The following SLC26A1 variants were observed in gnomAD, a reference collection of about 807,000 sequenced individuals.
SLC26A1 encodes sulfate anion transporter 1.
SLC26A1 carries 18 observed loss-of-function variants against 14.5 expected under a neutral mutation model. The ratio of observed to expected loss-of-function variants is 1.24; its 90% confidence interval spans 0.86 to 1.84. The LOEUF (loss-of-function observed/expected upper bound fraction) is 1.84, where lower values mean the gene tolerates loss of function less well. Among genes scored for constraint, SLC26A1 ranks in the 40% most tolerant of loss-of-function variants. The pLI is 0.00. For missense variants in SLC26A1, 1,049 were observed against 1,020.0 expected, an observed-to-expected ratio of 1.03 and a Z score of -0.39; for synonymous variants, 505 against 492.0, an observed-to-expected ratio of 1.03 and a Z score of -0.35.
At chr4:982,261 C>T (rs1713567171) in intron 2 of SLC26A1, among the ~76,000 whole-genome samples, 1 of 152,342 alleles carries the variant, frequency 6.6e-6, no homozygotes, top group East Asian at 1.9e-4. Flanking sequence ...CCCACAAGCT[C>T]AGCTTGGCCT....
At position 989,587 on chromosome 4, in the gene SLC26A1, C is replaced by T. The variant is rs761642769; in HGVS notation, c.1352G>A (p.Arg451Gln). ...GTCCCACACCTTGCGCAGGGCCCCC[C>T]GCAGGCTGACCACGATGACGCAGGC... ...VLACVIVVSL[R>Q]GALRKVWDLP... The change falls in exon 3 of 3, where the codon CGG becomes CAG. Residue 451 changes from arginine to glutamine, a missense_variant. Transcript: ENST00000398516. 44 of 1,598,994 alleles carry T rather than the reference C, an allele frequency of 2.8e-5. No homozygotes were observed. The highest frequency in any genetic ancestry group is 3.4e-4 in the Middle Eastern group (2 of 5,968).
downstream of SLC26A1, among the ~76,000 whole-genome samples, chr4:985,658 TCTTA>T (rs765758292): frequency 1.4e-4 from 22 of 152,224 alleles, no homozygotes; most frequent in Non-Finnish European, 2.9e-4. Flanking sequence ...TCCCTCCCTT[TCTTA>T]CTTTTTAGTT....
intron 2 of SLC26A1, chr4:990,799 T>G (rs1945682817): frequency 2.5e-6 from 1 of 400,490 alleles, no homozygotes; most frequent in Non-Finnish European, 4.5e-6. Context: ...CATCCCCCAC[T>G]CCACCTAGGA....
downstream of SLC26A1, among the ~76,000 whole-genome samples, chr4:986,164 G>A (rs986806989): frequency 2.2e-4 from 33 of 151,990 alleles, no homozygotes; most frequent in African/African-American, 7.3e-4. Context: ...TGATCCTCCC[G>A]TGTTGGCCTG....
rs1714277188 is a variant in SLC26A1 at position 991,199 on chromosome 4, G to A, written c.505C>T (p.Leu169=). 1.9e-6 allele frequency: 3 copies of A among 1,602,296 alleles called. No individual in the cohort carries two copies. The highest frequency in any genetic ancestry group is 2.7e-5 in the African/African-American group (2 of 74,832). The change falls in exon 2 of 3, where the codon CTG becomes TTG. Residue 169 remains leucine (L), a synonymous_variant. Coordinates refer to ENST00000398516, the MANE Select transcript of SLC26A1 (RefSeq NM_022042.4). ...GCGTAGCAGTCACGCCCGCAGTCCA[G>A]CATGGCAGCCGAGCCGTTGAGGGTG... The part of the protein sequence containing the change: ...SSTLNGSAAM[L]DCGRDCYAIR...
chr4:990,893 A>G (rs1466371620), intron 2 of SLC26A1: 2 of 524,444 alleles, frequency 3.8e-6, no homozygotes, highest in East Asian at 6.2e-5. Context: ...CACCAAGGCC[A>G]TGGCCCACCG....
chr4:987,048 C>T, downstream of SLC26A1: 2 of 1,510,298 alleles, frequency 1.3e-6, no homozygotes, highest in Non-Finnish European at 1.8e-6. Context: ...ACCGGCAGTG[C>T]AGCCCGAAGC....
At chr4:986,294 T>C (rs1424448448), downstream of SLC26A1, among the ~76,000 whole-genome samples, 5 of 152,202 alleles carry the variant, frequency 3.3e-5, no homozygotes, top group Non-Finnish European at 1.5e-5. Flanking sequence ...ACACATGTAC[T>C]ACAGTTGTCC....
chr4:987,348 G>A, downstream of SLC26A1: 5 of 1,127,118 alleles, frequency 4.4e-6, no homozygotes, highest in South Asian at 5.8e-5. Context: ...CCCTCCTCTG[G>A]GGCCCTGGCT....
At chr4:984,256 AT>A (rs1282640430), downstream of SLC26A1, among the ~76,000 whole-genome samples, 8 of 152,292 alleles carry the variant, frequency 5.3e-5, no homozygotes, top group East Asian at 1.9e-4. Context: ...AGGTTTTAAT[AT>A]TTTTTTCAAT....
At chr4:980,557 G>A (rs1050625130) in intron 2 of SLC26A1, among the ~76,000 whole-genome samples, 1 of 147,380 alleles carries the variant, frequency 6.8e-6, no homozygotes. Context: ...CTGCACTCCA[G>A]CCTGGGCAAC....
intron 2 of SLC26A1, among the ~76,000 whole-genome samples, chr4:981,806 G>C (rs560429842): frequency 6.6e-6 from 1 of 152,216 alleles, no homozygotes; most frequent in South Asian, 2.1e-4. Context: ...ACCTGGCCTT[G>C]TGCCGTCCAC....
chr4:987,296 G>A, downstream of SLC26A1: 2 of 1,460,078 alleles, frequency 1.4e-6, no homozygotes, highest in Non-Finnish European at 1.8e-6. Context: ...GAGCTCGGGC[G>A]CCCCCTGACT....
downstream of SLC26A1, chr4:987,173 A>C: frequency 6.9e-7 from 1 of 1,455,584 alleles, no homozygotes; most frequent in Non-Finnish European, 9.0e-7. Flanking sequence ...GAGGCCCCGC[A>C]CCTGGTGCAT....
intron 2 of SLC26A1, among the ~76,000 whole-genome samples, chr4:982,613 C>T (rs1713579086): frequency 6.6e-6 from 1 of 152,218 alleles, no homozygotes; most frequent in African/African-American, 2.4e-5. Context: ...CGACCAGTGG[C>T]TTCTTCCCCA....
chr4:988,196 G>C lies in SLC26A1; in HGVS notation c.*637C>G. On this transcript the variant is annotated 3_prime_UTR_variant, in exon 3 of 3. Coordinates refer to ENST00000398516, the MANE Select transcript of SLC26A1 (RefSeq NM_022042.4). ...GCTCAGGGTTGGCTGCGCCGCACCT[G>C]GCTCCTGGTGCACCCGTGAGCATCC... 7.3e-7 allele frequency: 1 copy of C among 1,361,710 alleles called. No homozygotes were observed. Among genetic ancestry groups the C allele is most frequent in the Non-Finnish European group, 9.5e-7 (1 of 1,055,950 alleles). 84.4% of individuals were successfully genotyped at this position (1,361,710 alleles called of 1,614,324 possible). A position where few individuals can be genotyped will look rare whatever the true frequency, so the allele number is the denominator to read the frequency against.
chr4:989,005 A>AGC lies in SLC26A1; in HGVS notation c.1932_1933dup (p.Leu645ArgfsTer3). 6.3e-7 allele frequency: 1 copy of AGC among 1,590,802 alleles called. No individual in the cohort carries two copies. Among genetic ancestry groups the AGC allele is most frequent in the Non-Finnish European group, 8.6e-7 (1 of 1,169,360 alleles). On this transcript the variant is annotated frameshift_variant, in exon 3 of 3. Coordinates refer to ENST00000398516, the MANE Select transcript of SLC26A1 (RefSeq NM_022042.4). LOFTEE classifies it low-confidence loss of function (END_TRUNC). ...CACAGGCGGGCTGCAGCAGGCTAGCAGCAGGCTGATGCCCAGGGCCCCGTA... is the reference window on the plus strand; with the variant it reads ...CACAGGCGGGCTGCAGCAGGCTAGCAGCGCAGGCTGATGCCCAGGGCCCCGTA...
At chr4:987,330 C>G, downstream of SLC26A1, 3 of 1,254,496 alleles carry the variant, frequency 2.4e-6, no homozygotes, top group Non-Finnish European at 3.3e-6. Context: ...GCTTCAGAGA[C>G]CGGAGCTCCC....
Position 989,539 on chromosome 4 carries a change from C to A in SLC26A1, c.1400G>T (p.Ser467Ile). 1 of 1,564,436 alleles carries A rather than the reference C, an allele frequency of 6.4e-7. No individual in the cohort carries two copies. Among genetic ancestry groups the A allele is most frequent in the Non-Finnish European group, 8.7e-7 (1 of 1,155,646 alleles). The change falls in exon 3 of 3, where the codon AGC (serine) becomes ATC (isoleucine). Residue 467 changes from serine (S) to isoleucine (I), a missense_variant. Transcript: ENST00000398516. Reference protein sequence around the residue: ...VWDLPRLWRMSPADALVWAGT... With the variant: ...VWDLPRLWRMIPADALVWAGT... ...TGCCCAGACCAGCGCGTCAGCCGGG[C>A]TCATCCGCCACAGCCGCGGGAGGTC... is the stretch of plus-strand genomic sequence containing the variant.
Sources: allele counts gnomAD v4.1 joint callset (sites outside exome capture counted in the v4.1 genomes callset), GRCh38; gene constraint gnomAD v4.1.1; transcripts MANE v1.5; gene names NCBI Gene and HGNC (gene_info 2026-07-23, HGNC 2026-07-21).